Variants in CEACAM21 observed in about 807,000 individuals in gnomAD.
The protein encoded by CEACAM21 is cell adhesion molecule CEACAM21.
CEACAM21 carries 38 observed loss-of-function variants against 33.2 expected under a neutral mutation model. The ratio of observed to expected loss-of-function variants is 1.14; its 90% CI spans 0.88 to 1.50. The LOEUF is 1.50. CEACAM21 is among the 40% of genes most tolerant of loss of function. The pLI is 0.00. For missense variants in CEACAM21, 385 were observed against 364.6 expected, an observed-to-expected ratio of 1.06 and a Z score of -0.46; for synonymous variants, 156 against 143.0, an observed-to-expected ratio of 1.09 and a Z score of -0.65.
At chr19:41,581,284 C>G (rs1166032697) in intron 3 of CEACAM21, among the ~76,000 whole-genome samples, 1 of 152,264 alleles carries the variant, frequency 6.6e-6, no homozygotes, top group Non-Finnish European at 1.5e-5. Context: ...TTGCAGTTAA[C>G]TAGCCCAACC....
intron 1 of CEACAM21, among the ~76,000 whole-genome samples, chr19:41,558,312 C>A (rs534822167): frequency 6.6e-6 from 1 of 152,252 alleles, no homozygotes; most frequent in South Asian, 2.1e-4. Context: ...AAACATTTGA[C>A]TATCTTTGAA....
intron 1 of CEACAM21, chr19:41,554,804 A>C (rs1461166235): frequency 2.0e-5 from 3 of 152,110 alleles, no homozygotes; most frequent in Non-Finnish European, 4.4e-5. Flanking sequence ...ATTTACAGAA[A>C]TGCTGAATTA....
intron 3 of CEACAM21, among the ~76,000 whole-genome samples, chr19:41,580,256 C>G (rs150050749): frequency 3.1e-4 from 47 of 152,236 alleles, no homozygotes; most frequent in African/African-American, 1.0e-3. Flanking sequence ...TTCCTCTGCT[C>G]TCACTCCACA....
upstream of CEACAM21, among the ~76,000 whole-genome samples, chr19:41,572,065 A>T (rs184337989): frequency 6.6e-6 from 1 of 152,336 alleles, no homozygotes; most frequent in East Asian, 1.9e-4. Context: ...AATATTCAGA[A>T]AGAAGATGAT....
Position 41,556,449 on chromosome 19 carries a change from A to G in CEACAM21, c.-779+6897A>G, listed in dbSNP as rs201824103. 8.5e-5 allele frequency among the ~76,000 whole-genome samples: 13 copies of G among 152,358 alleles called. No homozygotes were observed. The East Asian group carries it at 2.3e-3, about 27-fold the overall frequency. Reference sequence around the variant, plus strand: ...AAAAGAGAAAATCCAGAAAGACTGTATGTACATATAATTAAATATTAGCTT... The same window carrying G: ...AAAAGAGAAAATCCAGAAAGACTGTGTGTACATATAATTAAATATTAGCTT... On this transcript the variant is annotated intron_variant, in intron 1 of 7. Transcript: ENST00000407170.
At chr19:41,584,960 C>G (rs781980534) in intron 4 of CEACAM21, among the ~76,000 whole-genome samples, 1 of 152,228 alleles carries the variant, frequency 6.6e-6, no homozygotes, top group Non-Finnish European at 1.5e-5. Flanking sequence ...TGTCTCTTGC[C>G]AAAGGGCAGA....
chr19:41,565,817 G>T, intron 2 of CEACAM21, among the ~76,000 whole-genome samples: 1 of 152,150 alleles, frequency 6.6e-6, no homozygotes, highest in Non-Finnish European at 1.5e-5. Context: ...CAATGAAGAA[G>T]ATAGGTGACT....
chr19:41,573,502 C>T (rs571956057), upstream of CEACAM21, among the ~76,000 whole-genome samples: 2 of 152,236 alleles, frequency 1.3e-5, no homozygotes, highest in Non-Finnish European at 2.9e-5. Context: ...CTCCAGCTGA[C>T]TGGTCACCCA....
chr19:41,550,853 C>T (rs1467990751), intron 1 of CEACAM21: 1 of 152,120 alleles, frequency 6.6e-6, no homozygotes, highest in African/African-American at 2.4e-5. Flanking sequence ...AACAAATTTA[C>T]TATCATTTTT....
At chr19:41,576,857 C>T (rs2042984611) in intron 1 of CEACAM21, among the ~76,000 whole-genome samples, 1 of 152,066 alleles carries the variant, frequency 6.6e-6, no homozygotes, top group South Asian at 2.1e-4. Flanking sequence ...TGACAAGAGC[C>T]CTGGAGGGAA....
chr19:41,572,356 C>T (rs1434746306), upstream of CEACAM21, among the ~76,000 whole-genome samples: 1 of 152,144 alleles, frequency 6.6e-6, no homozygotes, highest in African/African-American at 2.4e-5. Flanking sequence ...AAATGAGAGG[C>T]AACTCCTGGG....
At position 41,586,842 on chromosome 19, in the gene CEACAM21, T is replaced by C. The variant is rs1018253096; in HGVS notation, c.*379T>C. ...ATCTGAATAAAGGGGAAACTTCCTCTCATTGGCTCTTTTTCTGCTCATGGG... is the reference window on the plus strand; with the variant it reads ...ATCTGAATAAAGGGGAAACTTCCTCCCATTGGCTCTTTTTCTGCTCATGGG... On this transcript the variant is annotated 3_prime_UTR_variant, in exon 7 of 7. Transcript: ENST00000401445. The C allele has an allele frequency of 8.9e-6, 2 of 225,164 alleles. No individual in the cohort carries two copies. The highest frequency in any genetic ancestry group is 1.8e-5 in the Non-Finnish European group (2 of 110,612). 13.9% of individuals were successfully genotyped at this position (225,164 alleles called of 1,614,324 possible).
intron 1 of CEACAM21, among the ~76,000 whole-genome samples, chr19:41,564,061 C>T (rs376468680): frequency 6.6e-6 from 1 of 152,194 alleles, no homozygotes; most frequent in African/African-American, 2.4e-5. Context: ...CCAGGGTAAA[C>T]CTAGCCTGTC....
chr19:41,559,856 C>T (rs2041767270), intron 1 of CEACAM21, among the ~76,000 whole-genome samples: 1 of 152,142 alleles, frequency 6.6e-6, no homozygotes, highest in Non-Finnish European at 1.5e-5. Flanking sequence ...TGCTTGTAGT[C>T]CTAGCTACTG....
intron 2 of CEACAM21, among the ~76,000 whole-genome samples, chr19:41,570,485 C>A (rs2042531273): frequency 6.6e-6 from 1 of 152,124 alleles, no homozygotes; most frequent in African/African-American, 2.4e-5. Flanking sequence ...TGCTAAGATC[C>A]CTCTCCTGCA....
intron 2 of CEACAM21, among the ~76,000 whole-genome samples, chr19:41,578,192 T>G (rs1215410565): frequency 1.3e-5 from 2 of 151,976 alleles, no homozygotes; most frequent in Non-Finnish European, 2.9e-5. Flanking sequence ...TTAAACTGGA[T>G]GGGAAACTTA....
rs2043018855 is a variant in CEACAM21, at chr19:41,577,263, T to G, written c.128T>G (p.Phe43Cys). ...TAWLFIASAPFEVAEGENVHL... is the reference protein window; with the variant it reads ...TAWLFIASAPCEVAEGENVHL... Reference sequence around the variant, plus strand: ...TGGCTCTTTATTGCATCAGCGCCCTTTGAAGTTGCTGAAGGGGAGAATGTT... The same window carrying G: ...TGGCTCTTTATTGCATCAGCGCCCTGTGAAGTTGCTGAAGGGGAGAATGTT... The change falls in exon 2 of 7, where the codon TTT becomes TGT. Residue 43 changes from phenylalanine (F) to cysteine (C), a missense_variant. By Grantham distance (205) the Phe-to-Cys change is radical. Coordinates refer to ENST00000401445, the MANE Select transcript of CEACAM21 (RefSeq NM_001098506.4). 1.2e-6 allele frequency: 2 copies of G among 1,614,132 alleles called. No homozygotes were observed. Among genetic ancestry groups the G allele is most frequent in the African/African-American group, 1.3e-5 (1 of 75,018 alleles).
At chr19:41,559,841 C>CT (rs1409440750) in intron 1 of CEACAM21, among the ~76,000 whole-genome samples, 3 of 152,104 alleles carry the variant, frequency 2.0e-5, no homozygotes, top group Non-Finnish European at 4.4e-5. Flanking sequence ...GGATGTGATG[C>CT]TGCATGCTTG....
chr19:41,579,513 T>G lies in CEACAM21; in HGVS notation c.585T>G (p.Phe195Leu). The G allele has an allele frequency of 1.9e-6, 3 of 1,613,720 alleles. No homozygotes were observed. The highest frequency in any genetic ancestry group is 2.5e-6 in the Non-Finnish European group (3 of 1,179,766). ...QVTKRMKLSW[F>L]NHVLTIDPIR... ...CGAAGAGGATGAAGCTGTCCTGGTTTAACCATGTGCTCACCATAGACCCCA... is the reference window on the plus strand; with the variant it reads ...CGAAGAGGATGAAGCTGTCCTGGTTGAACCATGTGCTCACCATAGACCCCA... The change falls in exon 3 of 7, where the codon TTT (phenylalanine) becomes TTG (leucine). Residue 195 changes from phenylalanine (F) to leucine (L), a missense_variant. Phe to Leu is a conservative substitution (Grantham distance 22). Transcript: ENST00000401445.
Sources: gnomAD v4.1 joint callset for allele counts (sites outside exome capture counted in the v4.1 genomes callset) on GRCh38, gnomAD v4.1.1 for gene constraint, MANE v1.5 for transcripts, NCBI Gene and HGNC (gene_info 2026-07-23, HGNC 2026-07-21) for gene names.